The following SP4 variants were observed in gnomAD, a reference collection of about 807,000 sequenced individuals.
The protein encoded by SP4 is Sp4 transcription factor.
In SP4, 19 loss-of-function variants were observed where a neutral mutation model predicts 72.8. That is an observed-to-expected ratio of 0.26 (90% CI 0.18 to 0.38). The LOEUF (loss-of-function observed/expected upper bound fraction) is 0.38. Ranked by LOEUF, SP4 falls within the 10% of genes least tolerant of loss-of-function variation. SP4 has a pLI of 1.00. For missense variants in SP4, 1,008 were observed against 926.3 expected, an observed-to-expected ratio of 1.09 and a Z score of -1.14; for synonymous variants, 395 against 333.1, an observed-to-expected ratio of 1.19 and a Z score of -2.02.
chr7:21,511,230 A>C lies in SP4; in HGVS notation c.2316A>C (p.Pro772=). ...CAGCCATTTCTCAAGATTCGAATCC[A>C]GCAACTCCCAATGTTTCAACCAACA... The part of the protein sequence containing the change: ...TVAAISQDSN[P]ATPNVSTNME... The change falls in exon 6 of 6, where the codon CCA becomes CCC. Residue 772 remains proline, a synonymous_variant. Transcript: ENST00000222584. 2.5e-6 allele frequency: 4 copies of C among 1,614,202 alleles called. No homozygotes were observed. Among genetic ancestry groups the C allele is most frequent in the Non-Finnish European group, 3.4e-6 (4 of 1,180,010 alleles).
chr7:21,495,612 T>G (rs1048014145), intron 5 of SP4, among the ~76,000 whole-genome samples: 1 of 152,062 alleles, frequency 6.6e-6, no homozygotes, highest in Non-Finnish European at 1.5e-5. Context: ...CAAGTACTGG[T>G]GAGGATGCAG....
intron 3 of SP4, among the ~76,000 whole-genome samples, chr7:21,469,881 A>G (rs993977293): frequency 1.3e-5 from 2 of 151,302 alleles, no homozygotes; most frequent in African/African-American, 2.4e-5. Flanking sequence ...TATTTTTATA[A>G]TACTCTTTTC....
At chr7:21,449,881 A>G (rs1013284922) in intron 3 of SP4, among the ~76,000 whole-genome samples, 4 of 152,166 alleles carry the variant, frequency 2.6e-5, no homozygotes, top group Non-Finnish European at 5.9e-5. Context: ...GCCTTTCTCA[A>G]GGGAATAAGG....
At chr7:21,508,248 A>G (rs1782054927) in intron 5 of SP4, among the ~76,000 whole-genome samples, 1 of 152,200 alleles carries the variant, frequency 6.6e-6, no homozygotes, top group Non-Finnish European at 1.5e-5. Flanking sequence ...TGAGAAACAC[A>G]GATTCACCTG....
intron 5 of SP4, among the ~76,000 whole-genome samples, chr7:21,503,196 C>T (rs1173639293): frequency 2.0e-5 from 3 of 152,040 alleles, no homozygotes; most frequent in African/African-American, 4.8e-5. Flanking sequence ...AGTTAGAAGT[C>T]GTTTTAACCT....
At chr7:21,437,272 C>G (rs1783079554) in intron 3 of SP4, among the ~76,000 whole-genome samples, 3 of 152,160 alleles carry the variant, frequency 2.0e-5, no homozygotes, top group African/African-American at 7.2e-5. Flanking sequence ...CTGGGAGCCA[C>G]TATGGGTTCA....
intron 3 of SP4, among the ~76,000 whole-genome samples, chr7:21,452,911 T>C (rs1010019345): frequency 6.6e-6 from 1 of 152,014 alleles, no homozygotes; most frequent in Non-Finnish European, 1.5e-5. Flanking sequence ...GCCTCCTTAG[T>C]AGCTGGGTCT....
In SP4 at chr7:21,464,122, CT is replaced by C. The variant is rs995083942; in HGVS notation, c.1679-12937del. Among the ~76,000 whole-genome samples, 923 of 127,324 alleles carry C rather than the reference CT, an allele frequency of 7.2e-3. 3 individuals are homozygous for C. The highest frequency in any genetic ancestry group is 0.014 in the African/African-American group (479 of 33,324). The allele number at this position is 127,324 out of a possible 152,430, so 83.5% of individuals were successfully genotyped here. A position where few individuals can be genotyped will look rare whatever the true frequency, so the allele number is the denominator to read the frequency against. On this transcript the variant is annotated intron_variant, in intron 3 of 5. Transcript: ENST00000222584. ...ATTCATTCCCTTGTCAGGGCGCTCT[CT>C]TTTTTTTTTTTTTTTTTTTGAGATG...
intron 2 of SP4, 22 bp downstream of exon 2, chr7:21,428,814 A>G (rs1409691003): frequency 1.3e-6 from 2 of 1,533,216 alleles, no homozygotes; most frequent in East Asian, 2.4e-5. Context: ...CAAATTAAAA[A>G]AATTCATCAC....
chr7:21,430,950 C>A lies in SP4; in HGVS notation c.1678+107C>A. The A allele has an allele frequency of 9.2e-6, 7 of 763,130 alleles. 1 individual carries two copies. The highest frequency in any genetic ancestry group is 5.4e-5 in the South Asian group (3 of 55,364). 47.3% of individuals were successfully genotyped at this position (763,130 alleles called of 1,614,324 possible). ...GACGTAGACCTCTGAAGTAAACACA[C>A]AATCATAAGGAACCAGAAATAGCAA... On this transcript the variant is annotated intron_variant, in intron 3 of 5. Transcript: ENST00000222584.
rs777273089 is a variant in SP4, at chr7:21,430,684, C to G, written c.1519C>G (p.Leu507Val). The G allele has an allele frequency of 3.7e-6, 6 of 1,614,214 alleles. No homozygotes were observed. In the South Asian group the frequency reaches 5.5e-5, roughly 15 times the overall value. Residue 507 changes from leucine to valine, a missense_variant, in exon 3 of 6, where the codon CTT becomes GTT. This residue lies in a region of SP4 where 893 missense variants were observed against 743.3 expected (regional missense o/e 1.20). Transcript: ENST00000222584. ...AGTGTCTTCAAGTGGTGGCACAACT[C>G]TTGCTCAGATTGCTCCTGTGGCTGT... ...TPVSSSGGTTLAQIAPVAVAG... is the reference protein window; with the variant it reads ...TPVSSSGGTTVAQIAPVAVAG...
intron 4 of SP4, among the ~76,000 whole-genome samples, chr7:21,478,573 T>C (rs796626832): frequency 8.5e-5 from 13 of 152,318 alleles, no homozygotes; most frequent in African/African-American, 3.1e-4. Flanking sequence ...CCTAGTGAAG[T>C]CATATGTCAC....
At chr7:21,467,520 T>C (rs1025387021) in intron 3 of SP4, among the ~76,000 whole-genome samples, 5 of 152,166 alleles carry the variant, frequency 3.3e-5, no homozygotes, top group African/African-American at 1.2e-4. Flanking sequence ...CATTTCTCCT[T>C]TCTATCCTCC....
intron 5 of SP4, among the ~76,000 whole-genome samples, chr7:21,509,984 A>G (rs1782101727): frequency 6.6e-6 from 1 of 152,236 alleles, no homozygotes; most frequent in Non-Finnish European, 1.5e-5. Flanking sequence ...TGGCAGGCAA[A>G]GAGAGAATAA....
intron 4 of SP4, among the ~76,000 whole-genome samples, chr7:21,480,164 C>T (rs745399099): frequency 3.9e-5 from 6 of 152,012 alleles, no homozygotes; most frequent in Non-Finnish European, 8.8e-5. Flanking sequence ...TGACAGTGTG[C>T]TTGTATTTTG....
chr7:21,466,934 C>T (rs1784184761), intron 3 of SP4, among the ~76,000 whole-genome samples: 1 of 152,008 alleles, frequency 6.6e-6, no homozygotes, highest in Admixed American at 6.6e-5. Flanking sequence ...TGTGGAGACT[C>T]ATGTAGTTTT....
intron 3 of SP4, among the ~76,000 whole-genome samples, chr7:21,465,547 T>C (rs1439904054): frequency 1.3e-5 from 2 of 152,234 alleles, no homozygotes; most frequent in Non-Finnish European, 2.9e-5. Context: ...AGCCATTTAG[T>C]AAATTGAGTA....
At chr7:21,456,325 G>A (rs1327348288) in intron 3 of SP4, among the ~76,000 whole-genome samples, 1 of 152,220 alleles carries the variant, frequency 6.6e-6, no homozygotes, top group African/African-American at 2.4e-5. Flanking sequence ...TGGCCCTGGG[G>A]CATTAACAGG....
chr7:21,504,241 T>A (rs904561575), intron 5 of SP4, among the ~76,000 whole-genome samples: 3 of 152,220 alleles, frequency 2.0e-5, no homozygotes, highest in African/African-American at 7.2e-5. Context: ...TAAAACCTGT[T>A]TGACCAGTTC....
Sources: allele counts gnomAD v4.1 joint callset (sites outside exome capture counted in the v4.1 genomes callset), GRCh38; gene constraint gnomAD v4.1.1; regional missense constraint gnomAD v4.1.1; transcripts MANE v1.5; gene names NCBI Gene and HGNC (gene_info 2026-07-23, HGNC 2026-07-21).